Variants in PLCB1 observed in about 807,000 individuals in gnomAD.
PLCB1 encodes 1-phosphatidylinositol 4,5-bisphosphate phosphodiesterase beta-1.
In PLCB1, 46 loss-of-function variants were observed where a neutral mutation model predicts 161.8. The observed-to-expected ratio is 0.28, with a 90% CI of 0.22 to 0.36. PLCB1 has a LOEUF of 0.36. PLCB1 is among the 10% of genes least tolerant of loss of function. PLCB1 has a pLI of 1.00. For missense variants in PLCB1, 1,016 were observed against 1,472.5 expected, an observed-to-expected ratio of 0.69 and a Z score of 5.07; for synonymous variants, 517 against 503.7, an observed-to-expected ratio of 1.03 and a Z score of -0.35.
chr20:8,477,168 G>A (rs954941820), intron 3 of PLCB1, among the ~76,000 whole-genome samples: 1 of 152,106 alleles, frequency 6.6e-6, no homozygotes, highest in Non-Finnish European at 1.5e-5. Flanking sequence ...GAGCCATACA[G>A]AATCGCAGGC....
At chr20:8,544,658 A>C (rs939106396) in intron 3 of PLCB1, among the ~76,000 whole-genome samples, 3 of 152,206 alleles carry the variant, frequency 2.0e-5, no homozygotes, top group Non-Finnish European at 4.4e-5. Context: ...GACGCCAAGA[A>C]GTTGGAAAGG....
intron 3 of PLCB1, among the ~76,000 whole-genome samples, chr20:8,391,132 G>C (rs959004399): frequency 2.6e-5 from 4 of 151,794 alleles, no homozygotes; most frequent in Non-Finnish European, 2.9e-5. Context: ...CACTAATATA[G>C]ATTGTCACTA....
chr20:8,259,805 T>C (rs1192861392), intron 2 of PLCB1, among the ~76,000 whole-genome samples: 1 of 152,176 alleles, frequency 6.6e-6, no homozygotes, highest in Non-Finnish European at 1.5e-5. Flanking sequence ...ATCTTAAGTT[T>C]TCCTCTAATA....
At chr20:8,709,061 C>T (rs1474472670) in intron 12 of PLCB1, among the ~76,000 whole-genome samples, 4 of 152,132 alleles carry the variant, frequency 2.6e-5, no homozygotes, top group African/African-American at 9.7e-5. Flanking sequence ...ATTTGGGGTG[C>T]TGTGGGCCAC....
chr20:8,287,215 A>G (rs2719792), intron 2 of PLCB1, among the ~76,000 whole-genome samples: 2,434 of 152,170 alleles, frequency 0.016, 76 homozygotes, highest in African/African-American at 0.056. Flanking sequence ...AACTTAGTCC[A>G]TATTTATGTT....
At chr20:8,637,712 T>A (rs1265898302) in intron 4 of PLCB1, among the ~76,000 whole-genome samples, 1 of 152,230 alleles carries the variant, frequency 6.6e-6, no homozygotes, top group Non-Finnish European at 1.5e-5. Context: ...TGGGTTATGG[T>A]GTTGGAACTG....
At chr20:8,627,998 A>T (rs1988410254) in intron 3 of PLCB1, among the ~76,000 whole-genome samples, 1 of 152,160 alleles carries the variant, frequency 6.6e-6, no homozygotes, top group Admixed American at 6.5e-5. Flanking sequence ...AATTTATGGG[A>T]TGATTGAAGG....
chr20:8,300,233 A>G (rs1319435038), intron 2 of PLCB1, among the ~76,000 whole-genome samples: 2 of 152,228 alleles, frequency 1.3e-5, no homozygotes, highest in Non-Finnish European at 2.9e-5. Context: ...GATATCAAGT[A>G]CGAGTATTTG....
At chr20:8,144,359 C>T (rs931941158) in intron 1 of PLCB1, among the ~76,000 whole-genome samples, 4 of 152,226 alleles carry the variant, frequency 2.6e-5, no homozygotes, top group South Asian at 2.1e-4. Context: ...GGATCTTGCA[C>T]GACACTTGAA....
At chr20:8,525,741 T>A (rs1984561159) in intron 3 of PLCB1, among the ~76,000 whole-genome samples, 1 of 151,404 alleles carries the variant, frequency 6.6e-6, no homozygotes, top group African/African-American at 2.4e-5. Flanking sequence ...TGAAATGAAA[T>A]AAAATTCATA....
chr20:8,393,228 GAGA>G (rs1367774325), intron 3 of PLCB1, among the ~76,000 whole-genome samples: 1 of 152,156 alleles, frequency 6.6e-6, no homozygotes, highest in Non-Finnish European at 1.5e-5. Context: ...GAGGGCTTGA[GAGA>G]AGAATTTGCT....
At chr20:8,394,233 T>C (rs1987695669) in intron 3 of PLCB1, among the ~76,000 whole-genome samples, 2 of 152,298 alleles carry the variant, frequency 1.3e-5, no homozygotes, top group African/African-American at 2.4e-5. Flanking sequence ...TATTTTTCTA[T>C]GGTTTCACAT....
chr20:8,478,366 G>C (rs1446046810), intron 3 of PLCB1, among the ~76,000 whole-genome samples: 8 of 151,726 alleles, frequency 5.3e-5, no homozygotes, highest in African/African-American at 1.9e-4. Flanking sequence ...CAGACAGACT[G>C]AGCAGAAAAA....
chr20:8,548,068 A>ACCTTCCTCCCTCCCTTCCTC (rs1568503323), intron 3 of PLCB1, among the ~76,000 whole-genome samples: 4 of 148,694 alleles, frequency 2.7e-5, no homozygotes, highest in East Asian at 2.0e-4. Context: ...CTCCCTTCCT[A>ACCTTCCTCCCTCCCTTCCTC]CCTTCCTCCC....
chr20:8,480,405 C>A (rs1041518226), intron 3 of PLCB1, among the ~76,000 whole-genome samples: 1 of 152,080 alleles, frequency 6.6e-6, no homozygotes, highest in South Asian at 2.1e-4. Flanking sequence ...GGTCCTGAAA[C>A]TGGGGGGAGG....
chr20:8,309,414 C>T (rs190883779), intron 2 of PLCB1, among the ~76,000 whole-genome samples: 12 of 152,264 alleles, frequency 7.9e-5, no homozygotes, highest in Admixed American at 7.2e-4. Flanking sequence ...ATAGGAAAAG[C>T]ATTCTTCTTG....
intron 3 of PLCB1, among the ~76,000 whole-genome samples, chr20:8,554,230 A>G (rs1985873201): frequency 1.3e-5 from 2 of 152,110 alleles, no homozygotes; most frequent in African/African-American, 4.8e-5. Context: ...TACCTCTCCT[A>G]TGGCCTAACA....
intron 26 of PLCB1, 78 bp from the exon 27 acceptor site, chr20:8,774,461 A>T: frequency 7.3e-7 from 1 of 1,362,512 alleles, no homozygotes; most frequent in Non-Finnish European, 1.0e-6. Context: ...TTTCTCTAGG[A>T]GGAATTCTGG....
intron 4 of PLCB1, among the ~76,000 whole-genome samples, chr20:8,645,544 A>G (rs756224780): frequency 6.6e-6 from 1 of 152,140 alleles, no homozygotes; most frequent in Non-Finnish European, 1.5e-5. Context: ...GCTTTCTGGT[A>G]TGAGGTAGGG....
Sources: allele counts gnomAD v4.1 joint callset (sites outside exome capture counted in the v4.1 genomes callset), GRCh38; gene constraint gnomAD v4.1.1; transcripts MANE v1.5; gene names NCBI Gene and HGNC (gene_info 2026-07-23, HGNC 2026-07-21).